Variants in SYTL4 observed in about 807,000 individuals in gnomAD.
The protein encoded by SYTL4 is synaptotagmin-like protein 4.
In SYTL4, 16 loss-of-function variants were observed where a neutral mutation model predicts 52.7. The ratio of observed to expected loss-of-function variants is 0.30; its 90% CI spans 0.21 to 0.46. The LOEUF (loss-of-function observed/expected upper bound fraction) is 0.46, where lower values mean the gene tolerates loss of function less well. Among genes scored for constraint, SYTL4 ranks in the 20% least tolerant of loss-of-function variants. The pLI is 1.00. For missense variants in SYTL4, 423 were observed against 519.9 expected (o/e 0.81, Z 1.81); for synonymous variants, 160 against 186.6 (o/e 0.86, Z 1.16).
chrX:100,730,729 G>T (rs1727605088), intron 2 of SYTL4, among the ~76,000 whole-genome samples: 1 of 111,279 alleles, frequency 9.0e-6, no homozygotes, highest in African/African-American at 3.3e-5. Flanking sequence ...TGTGTTACCA[G>T]AAATGTTCAT....
intron 2 of SYTL4, among the ~76,000 whole-genome samples, chrX:100,712,064 G>C (rs1418514735): frequency 9.0e-6 from 1 of 110,683 alleles, no homozygotes; most frequent in Non-Finnish European, 1.9e-5. Flanking sequence ...CAAAAACAGA[G>C]GTGAAATAAA....
At chrX:100,692,605 G>T (rs1313609086) in intron 8 of SYTL4, among the ~76,000 whole-genome samples, 3 of 111,555 alleles carry the variant, frequency 2.7e-5, no homozygotes, top group African/African-American at 9.8e-5. Context: ...GGAAGGATAC[G>T]GTTCCTCGGC....
intron 2 of SYTL4, among the ~76,000 whole-genome samples, chrX:100,723,160 C>T (rs2084376027): frequency 8.9e-6 from 1 of 112,443 alleles, no homozygotes; most frequent in Non-Finnish European, 1.9e-5. Flanking sequence ...CGGTCTCCCT[C>T]TGATGCAGAG....
chrX:100,722,446 G>A (rs973182978), intron 2 of SYTL4, among the ~76,000 whole-genome samples: 2 of 111,427 alleles, frequency 1.8e-5, no homozygotes, highest in African/African-American at 6.5e-5. Context: ...CTAAGAGGTT[G>A]GCCTTAACTA....
At chrX:100,695,685 A>AT (rs1479429300) in intron 8 of SYTL4, among the ~76,000 whole-genome samples, 2 of 111,699 alleles carry the variant, frequency 1.8e-5, no homozygotes, top group Admixed American at 9.5e-5. Flanking sequence ...TCCTTCTACA[A>AT]TTTTTTTCTT....
At chrX:100,699,463 T>C (rs946009362) in intron 8 of SYTL4, among the ~76,000 whole-genome samples, 2 of 106,387 alleles carry the variant, frequency 1.9e-5, no homozygotes, top group Non-Finnish European at 3.9e-5. Flanking sequence ...TCTTAATGAA[T>C]GTTCATAGCA....
intron 8 of SYTL4, among the ~76,000 whole-genome samples, chrX:100,691,781 G>A (rs1414162358): frequency 9.0e-6 from 1 of 111,085 alleles, no homozygotes; most frequent in Non-Finnish European, 1.9e-5. Context: ...CTCGTGATCC[G>A]CCTGCCTCGG....
rs185241723 is a variant in SYTL4 at position 100,700,671 on chromosome X, G to C, written c.539+226C>G. ...AACTATTCAACCTGAGAAAGCGAAT[G>C]CAAACTATAAAAAATAAAGAACTAA... is the stretch of plus-strand genomic sequence containing the variant. On this transcript the variant is annotated intron_variant, in intron 8 of 19. Coordinates refer to ENST00000372989, the MANE Select transcript of SYTL4 (RefSeq NM_001370165.1). Among the ~76,000 whole-genome samples, 22 of 111,973 alleles carry C rather than the reference G, an allele frequency of 2.0e-4. No individual in the cohort carries two copies. In the East Asian group the frequency reaches 5.6e-3, roughly 28 times the overall value.
At position 100,674,557 on chromosome X, in the gene SYTL4, AG is replaced by A. The variant is rs2083247938; in HGVS notation, c.*1470del. ...CAGGGGGGTGGGAAACAAAAGAGCA[AG>A]TTACAGCCCGGGATCCCAAGTTATG... On this transcript the variant is annotated 3_prime_UTR_variant, in exon 20 of 20. Coordinates refer to ENST00000372989, the MANE Select transcript of SYTL4 (RefSeq NM_001370165.1). 1 of 112,388 alleles carries A rather than the reference AG, an allele frequency of 8.9e-6. No individual in the cohort carries two copies. Among genetic ancestry groups the A allele is most frequent in the Non-Finnish European group, 1.9e-5 (1 of 53,249 alleles). The allele number at this position is 112,388 out of a possible 1,213,427, so 9.3% of individuals were successfully genotyped here. A position where few individuals can be genotyped will look rare whatever the true frequency, so the allele number is the denominator to read the frequency against.
chrX:100,703,517 A>C (rs1472874664), intron 3 of SYTL4, among the ~76,000 whole-genome samples: 1 of 112,302 alleles, frequency 8.9e-6, no homozygotes, highest in Non-Finnish European at 1.9e-5. Flanking sequence ...TATAATATGA[A>C]AGACTGATTT....
chrX:100,706,550 A>C (rs111438810), intron 2 of SYTL4, among the ~76,000 whole-genome samples: 4,587 of 112,602 alleles, frequency 0.041, 235 homozygotes, highest in African/African-American at 0.14. Flanking sequence ...AAACAAATTA[A>C]GAACAAAAAT....
chrX:100,710,520 G>A (rs749832324), intron 2 of SYTL4, among the ~76,000 whole-genome samples: 2 of 111,968 alleles, frequency 1.8e-5, no homozygotes, highest in African/African-American at 6.5e-5. Flanking sequence ...GGTCATAATT[G>A]GAGATTATAA....
intron 3 of SYTL4, among the ~76,000 whole-genome samples, chrX:100,703,682 T>G (rs2083901176): frequency 8.9e-6 from 1 of 112,527 alleles, no homozygotes; most frequent in Admixed American, 9.4e-5. Context: ...GCAACATTAT[T>G]TGTAAGAACA....
chrX:100,699,740 C>T lies in SYTL4; in HGVS notation c.539+1157G>A, dbSNP rs189419495. On this transcript the variant is annotated intron_variant, in intron 8 of 19. Transcript: ENST00000372989. ...CGATCTCCTGACTTCATGATCCACC[C>T]GCCTCAGCCTCCCAAAGTGCTGGGA... Among the ~76,000 whole-genome samples, 503 of 105,370 alleles carry T rather than the reference C, an allele frequency of 4.8e-3. 2 individuals carry two copies. Among genetic ancestry groups the T allele is most frequent in the Non-Finnish European group, 8.5e-3 (436 of 51,245 alleles). The allele number at this position is 105,370 out of a possible 115,157, so 91.5% of individuals were successfully genotyped here.
rs755921711 is a variant in SYTL4, at chrX:100,674,734, CCT to C, written c.*1292_*1293del. The C allele has an allele frequency of 3.6e-5, 4 of 111,604 alleles. No individual in the cohort carries two copies. In the South Asian group the frequency reaches 1.5e-3, roughly 42 times the overall value. 9.2% of individuals were successfully genotyped at this position (111,604 alleles called of 1,213,427 possible). ...CAGCTGACTCTGTTGAAAGGGATTT[CCT>C]CTCTGCTATACACTCCTTCCACACA... On this transcript the variant is annotated 3_prime_UTR_variant, in exon 20 of 20. Transcript: ENST00000372989.
In SYTL4 at chrX:100,689,973, C is replaced by T. The variant is rs2083560525; in HGVS notation, c.809-14G>A. On this transcript the variant is annotated splice_polypyrimidine_tract_variant and intron_variant, in intron 11 of 19. Transcript: ENST00000372989. ...ATTTAGTGTACTCTGAGGGGAAGAC[C>T]AAAAAAGCCAAATCAAAGAGACCTA... The T allele has an allele frequency of 8.6e-7, 1 of 1,164,311 alleles. No homozygotes were observed. Among genetic ancestry groups the T allele is most frequent in the African/African-American group, 1.8e-5 (1 of 56,517 alleles).
At chrX:100,730,694 T>C (rs1256812890) in intron 2 of SYTL4, among the ~76,000 whole-genome samples, 1 of 111,460 alleles carries the variant, frequency 9.0e-6, no homozygotes, top group Non-Finnish European at 1.9e-5. Flanking sequence ...TTCACTGCTC[T>C]GACCAAGAGT....
chrX:100,723,321 T>C (rs1460157149), intron 2 of SYTL4, among the ~76,000 whole-genome samples: 2 of 112,037 alleles, frequency 1.8e-5, no homozygotes, highest in Non-Finnish European at 1.9e-5. Context: ...GGGATTTCGC[T>C]GTGTTGGCCG....
intron 17 of SYTL4, 101 bp from the exon 18 acceptor site, chrX:100,679,513 C>G (rs2083336205): frequency 1.5e-6 from 1 of 646,013 alleles, no homozygotes; most frequent in Non-Finnish European, 2.5e-6. Context: ...CTAAAGGCAG[C>G]GAGCTCCATA....
Sources: allele counts gnomAD v4.1 joint callset (sites outside exome capture counted in the v4.1 genomes callset), GRCh38; gene constraint gnomAD v4.1.1; transcripts MANE v1.5; gene names NCBI Gene and HGNC (gene_info 2026-07-23, HGNC 2026-07-21).